PCDH7: variants seen among roughly 807,000 people sequenced by gnomAD.
The protein encoded by PCDH7 is protocadherin 7, also known as protocadherin-7.
PCDH7 carries 17 observed loss-of-function variants against 58.9 expected under a neutral mutation model. The observed-to-expected ratio is 0.29, with a 90% CI of 0.20 to 0.43. The LOEUF (loss-of-function observed/expected upper bound fraction) is 0.43, where lower values mean the gene tolerates loss of function less well. Ranked by LOEUF, PCDH7 falls within the 20% of genes least tolerant of loss-of-function variation. PCDH7 has a pLI of 1.00. For synonymous variants in PCDH7, 664 were observed against 616.4 expected (o/e 1.08, Z -1.14); for missense variants, 1,274 against 1,441.0 (o/e 0.88, Z 1.88).
intron 3 of PCDH7, among the ~76,000 whole-genome samples, chr4:30,968,998 A>C (rs141769437): frequency 6.6e-6 from 1 of 152,182 alleles, no homozygotes; most frequent in Non-Finnish European, 1.5e-5. Flanking sequence ...TAAAATTGTA[A>C]TCTTTTCTTC....
chr4:30,752,318 G>A (rs1718637269), intron 1 of PCDH7, among the ~76,000 whole-genome samples: 1 of 152,052 alleles, frequency 6.6e-6, no homozygotes. Context: ...ATTTTTAGTA[G>A]AGACGGGGTT....
chr4:30,816,400 G>A (rs1350638689), intron 1 of PCDH7, among the ~76,000 whole-genome samples: 2 of 152,088 alleles, frequency 1.3e-5, no homozygotes, highest in Non-Finnish European at 2.9e-5. Flanking sequence ...TTCAAAAGGT[G>A]CAATTTGAAA....
chr4:31,141,112 C>A (rs1353215463), intron 3 of PCDH7, among the ~76,000 whole-genome samples: 1 of 152,284 alleles, frequency 6.6e-6, no homozygotes, highest in African/African-American at 2.4e-5. Flanking sequence ...CCAAGTAAAA[C>A]GTCTAAAATA....
At chr4:31,025,436 G>A (rs191360663) in intron 3 of PCDH7, among the ~76,000 whole-genome samples, 16 of 152,162 alleles carry the variant, frequency 1.1e-4, no homozygotes, top group African/African-American at 3.6e-4. Flanking sequence ...GAGGATTCTC[G>A]TTTTTTCTTT....
intron 1 of PCDH7, among the ~76,000 whole-genome samples, chr4:30,825,898 G>A (rs561607651): frequency 6.6e-6 from 1 of 152,248 alleles, no homozygotes; most frequent in South Asian, 2.1e-4. Context: ...TAAAAGAATA[G>A]TGAATATGAC....
chr4:30,989,137 C>T (rs1327319073), intron 3 of PCDH7, among the ~76,000 whole-genome samples: 1 of 148,010 alleles, frequency 6.8e-6, no homozygotes, highest in Non-Finnish European at 1.5e-5. Context: ...TGGACAGAAT[C>T]AAATCACAGT....
chr4:31,091,635 A>C lies in PCDH7; in HGVS notation c.*8-50838A>C, dbSNP rs1387410006. Among the ~76,000 whole-genome samples, 3 of 152,020 alleles carry C rather than the reference A, an allele frequency of 2.0e-5. No individual in the cohort carries two copies. The East Asian group carries it at 5.8e-4, about 29-fold the overall frequency. ...TTGCAAGATGAAAAGGATAGCATAA[A>C]AATGAATTTGATGAAAAAGAATTTT... On this transcript the variant is annotated intron_variant, in intron 3 of 3. Transcript: ENST00000509759.
At chr4:30,887,879 T>C (rs1738038318) in intron 1 of PCDH7, among the ~76,000 whole-genome samples, 1 of 151,714 alleles carries the variant, frequency 6.6e-6, no homozygotes, top group Non-Finnish European at 1.5e-5. Flanking sequence ...TGGTTTTTTT[T>C]TTTTCTTTTT....
At chr4:31,004,959 C>G (rs1204552045) in intron 3 of PCDH7, among the ~76,000 whole-genome samples, 1 of 151,828 alleles carries the variant, frequency 6.6e-6, no homozygotes, top group African/African-American at 2.4e-5. Context: ...GAAACACACA[C>G]GAAAAAAACA....
chr4:31,038,403 A>G (rs969917244), intron 3 of PCDH7, among the ~76,000 whole-genome samples: 32 of 152,218 alleles, frequency 2.1e-4, no homozygotes, highest in African/African-American at 7.7e-4. Flanking sequence ...AAGTGATGAA[A>G]CCAAATATTT....
intron 3 of PCDH7, among the ~76,000 whole-genome samples, chr4:31,022,532 T>C (rs1754107660): frequency 6.6e-6 from 1 of 152,212 alleles, no homozygotes; most frequent in African/African-American, 2.4e-5. Context: ...TATATGTTTA[T>C]TTAATTGAAA....
At position 30,812,817 on chromosome 4, in the gene PCDH7, G is replaced by C. The variant is rs188094433; in HGVS notation, c.70+88221G>C. Among the ~76,000 whole-genome samples, 972 of 152,242 alleles carry C rather than the reference G, an allele frequency of 6.4e-3. 31 individuals are homozygous for C. Among genetic ancestry groups the C allele is most frequent in the Admixed American group, 0.046 (709 of 15,300 alleles). ...TTACATTTTTCTTGTTATTATAAAA[G>C]CTGTAGTGAATAGTAGGTGAGCTTA... On this transcript the variant is annotated intron_variant, in intron 1 of 3. Coordinates refer to the PCDH7 transcript ENST00000509759.
At chr4:30,920,352 C>T in exon 2 of PCDH7, 1 of 1,367,190 alleles carries the variant, frequency 7.3e-7, no homozygotes, top group Non-Finnish European at 9.8e-7. Context: ...GTTGGTGAGG[C>T]AGAGCATATG....
chr4:31,056,458 G>GAAGGAAAGAGAGA (rs1553932369), intron 3 of PCDH7, among the ~76,000 whole-genome samples: 1 of 83,156 alleles, frequency 1.2e-5, no homozygotes, highest in Non-Finnish European at 2.2e-5. Flanking sequence ...AAGAAAGAAA[G>GAAGGAAAGAGAGA]AAGAAAGAAA....
intron 1 of PCDH7, among the ~76,000 whole-genome samples, chr4:30,786,076 T>C (rs536420199): frequency 4.6e-5 from 7 of 152,214 alleles, no homozygotes; most frequent in African/African-American, 1.7e-4. Flanking sequence ...ATAACTTTTA[T>C]TTTTCCAAAC....
chr4:31,080,709 T>C (rs1329723569), intron 3 of PCDH7, among the ~76,000 whole-genome samples: 2 of 152,198 alleles, frequency 1.3e-5, no homozygotes, highest in African/African-American at 4.8e-5. Context: ...AAGAGTAAAC[T>C]TGCCACAAGT....
intron 3 of PCDH7, among the ~76,000 whole-genome samples, chr4:31,021,690 T>C (rs1289169161): frequency 1.3e-5 from 2 of 152,030 alleles, no homozygotes; most frequent in African/African-American, 2.4e-5. Flanking sequence ...GCAGCACCAA[T>C]ACTTTTTTTA....
At chr4:30,729,576 AG>A (rs1480592075) in intron 1 of PCDH7, among the ~76,000 whole-genome samples, 2 of 152,048 alleles carry the variant, frequency 1.3e-5, no homozygotes, top group Non-Finnish European at 2.9e-5. Flanking sequence ...GTTCCTTCCT[AG>A]CAATTAGTAT....
chr4:30,818,837 G>T (rs1728010047), intron 1 of PCDH7, among the ~76,000 whole-genome samples: 1 of 152,066 alleles, frequency 6.6e-6, no homozygotes, highest in Non-Finnish European at 1.5e-5. Flanking sequence ...GAAATCCAAT[G>T]GACTACTGGC....
Sources: allele counts gnomAD v4.1 joint callset (sites outside exome capture counted in the v4.1 genomes callset), GRCh38; gene constraint gnomAD v4.1.1; transcripts MANE v1.5; gene names NCBI Gene and HGNC (gene_info 2026-07-23, HGNC 2026-07-21).